The following SUGCT variants were observed in gnomAD, a reference collection of about 807,000 sequenced individuals.
SUGCT encodes succinyl-CoA:glutarate-CoA transferase, also known as succinyl-CoA:glutarate CoA-transferase.
In SUGCT, 41 loss-of-function variants were observed where a neutral mutation model predicts 55.0. That is an observed-to-expected ratio of 0.74 (90% CI 0.58 to 0.97). SUGCT has a LOEUF of 0.97. Ranked by LOEUF, SUGCT falls within the 50% of genes least tolerant of loss-of-function variation. The pLI is 0.00. For synonymous variants in SUGCT, 187 were observed against 200.4 expected, an observed-to-expected ratio of 0.93 and a Z score of 0.56; for missense variants, 568 against 547.8, an observed-to-expected ratio of 1.04 and a Z score of -0.37.
chr7:40,680,264 G>T (rs1248220489), intron 12 of SUGCT, among the ~76,000 whole-genome samples: 1 of 152,124 alleles, frequency 6.6e-6, no homozygotes, highest in African/African-American at 2.4e-5. Flanking sequence ...ACCTGCAAAA[G>T]ATTCAGGATA....
chr7:40,779,834 GTT>G (rs1789643290), intron 13 of SUGCT, among the ~76,000 whole-genome samples: 1 of 152,122 alleles, frequency 6.6e-6, no homozygotes, highest in Admixed American at 6.6e-5. Flanking sequence ...GGACAAGGCA[GTT>G]TTCTATTAGT....
intron 6 of SUGCT, among the ~76,000 whole-genome samples, chr7:40,228,086 T>G (rs745995162): frequency 1.3e-5 from 2 of 152,114 alleles, no homozygotes; most frequent in Admixed American, 6.6e-5. Context: ...TTCACCATGT[T>G]GGTCAGTCTG....
chr7:40,195,532 A>G (rs1348072008), intron 6 of SUGCT, among the ~76,000 whole-genome samples: 1 of 151,550 alleles, frequency 6.6e-6, no homozygotes, highest in Non-Finnish European at 1.5e-5. Flanking sequence ...TGGCTGCTGA[A>G]CATTATTAAG....
At chr7:40,407,153 C>T (rs941718245) in intron 9 of SUGCT, among the ~76,000 whole-genome samples, 5 of 152,110 alleles carry the variant, frequency 3.3e-5, no homozygotes, top group Admixed American at 6.5e-5. Context: ...AATGCACAAA[C>T]GTACACAAAA....
chr7:40,936,875 T>C, the SUGCT span, among the ~76,000 whole-genome samples: 1 of 152,176 alleles, frequency 6.6e-6, no homozygotes, highest in South Asian at 2.1e-4. Context: ...GTTAAGGATG[T>C]GTTGCTTTAT....
intron 8 of SUGCT, among the ~76,000 whole-genome samples, chr7:40,291,814 G>A (rs1489451372): frequency 1.3e-5 from 2 of 152,206 alleles, no homozygotes; most frequent in African/African-American, 2.4e-5. Context: ...TATAGTTTGC[G>A]ATGTGATAAT....
At chr7:40,644,436 A>C (rs1231091759) in intron 12 of SUGCT, among the ~76,000 whole-genome samples, 1 of 152,018 alleles carries the variant, frequency 6.6e-6, no homozygotes, top group Non-Finnish European at 1.5e-5. Flanking sequence ...TTTTCCTCAC[A>C]TTGCCTCTGC....
At chr7:40,483,993 A>T (rs1304086574) in intron 11 of SUGCT, among the ~76,000 whole-genome samples, 1 of 152,190 alleles carries the variant, frequency 6.6e-6, no homozygotes, top group Non-Finnish European at 1.5e-5. Context: ...AATCACTGAT[A>T]AGTAAATGAT....
In SUGCT at chr7:40,160,332, G is replaced by A. The variant is rs138202223; in HGVS notation, c.101-20615G>A. On this transcript the variant is annotated intron_variant, in intron 1 of 13. Coordinates refer to ENST00000335693, the MANE Select transcript of SUGCT (RefSeq NM_001193313.2). ...CAACCTCTTGCTCCCGGGTTCAAGC[G>A]ATTCTTCTGCCTCAGCCTCCCAAGT... Among the ~76,000 whole-genome samples, 202 of 152,226 alleles carry A rather than the reference G, an allele frequency of 1.3e-3. 6 individuals are homozygous for A. The East Asian group carries it at 0.032, about 24-fold the overall frequency.
At chr7:40,610,113 G>C (rs538837950) in intron 12 of SUGCT, among the ~76,000 whole-genome samples, 1 of 152,082 alleles carries the variant, frequency 6.6e-6, no homozygotes, top group Non-Finnish European at 1.5e-5. Context: ...GTATTGTCTC[G>C]TCTGCAGGAC....
intron 11 of SUGCT, among the ~76,000 whole-genome samples, chr7:40,459,868 T>C (rs1422796043): frequency 6.6e-6 from 1 of 152,206 alleles, no homozygotes; most frequent in Non-Finnish European, 1.5e-5. Context: ...CTGAAGAAAA[T>C]AATTATTCTT....
intron 13 of SUGCT, among the ~76,000 whole-genome samples, chr7:40,791,893 C>G (rs1235672291): frequency 1.3e-5 from 2 of 152,120 alleles, no homozygotes; most frequent in Non-Finnish European, 2.9e-5. Flanking sequence ...ACTACAAATA[C>G]AGTAACTATT....
At chr7:40,569,297 A>G (rs149313883) in intron 12 of SUGCT, among the ~76,000 whole-genome samples, 3,058 of 152,302 alleles carry the variant, frequency 0.02, 49 homozygotes, top group Non-Finnish European at 0.03. Flanking sequence ...CCCTTGGCCA[A>G]GGCACTGCTC....
chr7:40,665,909 ATATATACTTATATATAATGG>A (rs1562934507), intron 12 of SUGCT, among the ~76,000 whole-genome samples: 1 of 152,162 alleles, frequency 6.6e-6, no homozygotes, highest in Non-Finnish European at 1.5e-5. Flanking sequence ...ATGAGAAGAA[ATATATACTTATATATAATGG>A]TATATACTTA....
chr7:40,381,960 G>A (rs1015207668), intron 9 of SUGCT, among the ~76,000 whole-genome samples: 1 of 151,966 alleles, frequency 6.6e-6, no homozygotes, highest in Admixed American at 6.6e-5. Context: ...TGCCAGTGCT[G>A]ATGACACAGA....
intron 12 of SUGCT, chr7:40,538,901 C>G (rs1250225763): frequency 1.3e-5 from 2 of 151,996 alleles, no homozygotes; most frequent in African/African-American, 4.8e-5. Context: ...TACAGTGAAA[C>G]CCCGTCTCTA....
intron 9 of SUGCT, among the ~76,000 whole-genome samples, chr7:40,348,803 A>G (rs1462492527): frequency 6.6e-6 from 1 of 152,036 alleles, no homozygotes; most frequent in Non-Finnish European, 1.5e-5. Flanking sequence ...CTTGAAATCC[A>G]TCGTATTCTT....
chr7:40,731,315 G>A (rs1220637024), intron 12 of SUGCT, among the ~76,000 whole-genome samples: 4 of 152,320 alleles, frequency 2.6e-5, no homozygotes, highest in South Asian at 4.1e-4. Context: ...ATTTTACTCA[G>A]TCCCTCTCAT....
At chr7:40,877,158 G>A in the SUGCT span, among the ~76,000 whole-genome samples, 1 of 152,122 alleles carries the variant, frequency 6.6e-6, no homozygotes, top group Non-Finnish European at 1.5e-5. Context: ...GCCAAAGCAT[G>A]TGCCCAAATG....
Sources: gnomAD v4.1 joint callset for allele counts (sites outside exome capture counted in the v4.1 genomes callset) on GRCh38, gnomAD v4.1.1 for gene constraint, MANE v1.5 for transcripts, NCBI Gene and HGNC (gene_info 2026-07-23, HGNC 2026-07-21) for gene names.